AATF: variants seen among roughly 807,000 people sequenced by gnomAD.
AATF encodes apoptosis antagonizing transcription factor, also known as protein AATF.
A neutral mutation model predicts 63.7 loss-of-function variants in AATF; 48 were observed. The ratio of observed to expected loss-of-function variants is 0.75; its 90% CI spans 0.60 to 0.96. The LOEUF (loss-of-function observed/expected upper bound fraction) is 0.96, where lower values mean the gene tolerates loss of function less well. AATF is among the 40% of genes least tolerant of loss of function. The pLI is 0.00. For missense variants in AATF, 639 were observed against 685.7 expected, an observed-to-expected ratio of 0.93 and a Z score of 0.76; for synonymous variants, 258 against 247.7, an observed-to-expected ratio of 1.04 and a Z score of -0.39.
At chr17:36,957,158 A>G (rs2070908322) in intron 4 of AATF, among the ~76,000 whole-genome samples, 1 of 152,238 alleles carries the variant, frequency 6.6e-6, no homozygotes, top group African/African-American at 2.4e-5. Context: ...CTTACAGAGT[A>G]GTTAAAGTCA....
chr17:37,016,840 T>C (rs1481453194), intron 8 of AATF, among the ~76,000 whole-genome samples: 2 of 152,320 alleles, frequency 1.3e-5, no homozygotes, highest in Non-Finnish European at 2.9e-5. Context: ...TTTGTTGTTG[T>C]TGCTTTCTTT....
chr17:36,977,354 A>G (rs1026447748), intron 4 of AATF, among the ~76,000 whole-genome samples: 3 of 152,178 alleles, frequency 2.0e-5, no homozygotes, highest in African/African-American at 7.2e-5. Context: ...TTAATTCTGC[A>G]TGGAATCCCT....
intron 9 of AATF, among the ~76,000 whole-genome samples, chr17:37,020,442 A>C (rs1002960644): frequency 6.6e-6 from 1 of 152,244 alleles, no homozygotes. Flanking sequence ...TAAAACAATT[A>C]AAAACTAGTA....
At chr17:36,962,756 A>G (rs539468564) in intron 4 of AATF, among the ~76,000 whole-genome samples, 3 of 152,278 alleles carry the variant, frequency 2.0e-5, no homozygotes, top group South Asian at 4.1e-4. Context: ...TGTACATATC[A>G]TTGCACAATG....
chr17:37,018,154 T>C (rs1473017438), intron 8 of AATF, among the ~76,000 whole-genome samples: 2 of 152,192 alleles, frequency 1.3e-5, no homozygotes, highest in Non-Finnish European at 2.9e-5. Context: ...TAATTCAGGG[T>C]TTTTCTCCCT....
intron 11 of AATF, among the ~76,000 whole-genome samples, chr17:37,042,660 C>A (rs946201488): frequency 1.3e-5 from 2 of 151,278 alleles, no homozygotes; most frequent in Admixed American, 1.3e-4. Flanking sequence ...TCAAGCAGTC[C>A]TCCCACCTTG....
chr17:36,973,024 C>T (rs528510801), intron 4 of AATF, among the ~76,000 whole-genome samples: 12 of 152,246 alleles, frequency 7.9e-5, no homozygotes, highest in African/African-American at 1.7e-4. Context: ...GGCATGTTCC[C>T]GCAGGATCTG....
At chr17:37,013,169 A>T (rs745330632) in intron 8 of AATF, among the ~76,000 whole-genome samples, 1 of 152,244 alleles carries the variant, frequency 6.6e-6, no homozygotes, top group Non-Finnish European at 1.5e-5. Flanking sequence ...GGGTCTGAAT[A>T]GACATTTCTC....
At chr17:37,048,560 G>A (rs1429112630) in intron 11 of AATF, among the ~76,000 whole-genome samples, 1 of 151,762 alleles carries the variant, frequency 6.6e-6, no homozygotes, top group African/African-American at 2.4e-5. Flanking sequence ...TAGTAGAGAC[G>A]AGGTTTCTCC....
At chr17:37,039,901 T>C (rs1169393427) in intron 11 of AATF, among the ~76,000 whole-genome samples, 2 of 152,220 alleles carry the variant, frequency 1.3e-5, no homozygotes, top group Non-Finnish European at 2.9e-5. Context: ...AAGCACATCT[T>C]CTAGAAAGAG....
chr17:37,030,691 C>A (rs1168610110), intron 10 of AATF, among the ~76,000 whole-genome samples: 3 of 152,016 alleles, frequency 2.0e-5, no homozygotes, highest in Non-Finnish European at 4.4e-5. Flanking sequence ...TGTGTTTCTC[C>A]ATTTAAAGGT....
intron 11 of AATF, among the ~76,000 whole-genome samples, chr17:37,046,534 A>G (rs921057948): frequency 2.6e-5 from 4 of 152,066 alleles, no homozygotes; most frequent in African/African-American, 9.7e-5. Context: ...GGCACTTTGC[A>G]TTTGCTCACT....
intron 8 of AATF, among the ~76,000 whole-genome samples, chr17:36,992,515 C>T (rs1320391304): frequency 6.6e-6 from 1 of 151,754 alleles, no homozygotes; most frequent in Non-Finnish European, 1.5e-5. Context: ...TTGAAGTGTA[C>T]ATTGTTCGAT....
chr17:36,987,150 G>A (rs535989640), intron 5 of AATF, among the ~76,000 whole-genome samples: 1 of 132,032 alleles, frequency 7.6e-6, no homozygotes, highest in South Asian at 2.2e-4. Flanking sequence ...ACCATGCCTG[G>A]CTATTTTTTT....
At chr17:37,008,269 T>A (rs1486092237) in intron 8 of AATF, among the ~76,000 whole-genome samples, 1 of 152,230 alleles carries the variant, frequency 6.6e-6, no homozygotes, top group East Asian at 1.9e-4. Context: ...ATCATCTTTT[T>A]AAGTCCCAAA....
At chr17:36,957,769 T>C (rs977962045) in intron 4 of AATF, among the ~76,000 whole-genome samples, 1 of 152,232 alleles carries the variant, frequency 6.6e-6, no homozygotes, top group African/African-American at 2.4e-5. Context: ...CAGGTTGCGT[T>C]TTCTCAATAT....
At chr17:36,955,202 T>C (rs1398424918) in intron 4 of AATF, among the ~76,000 whole-genome samples, 3 of 152,228 alleles carry the variant, frequency 2.0e-5, no homozygotes, top group African/African-American at 7.2e-5. Flanking sequence ...ATTTGGCATC[T>C]GCCTGTAGGT....
chr17:37,046,649 A>G (rs939084327), intron 11 of AATF, among the ~76,000 whole-genome samples: 6 of 151,906 alleles, frequency 3.9e-5, no homozygotes, highest in African/African-American at 1.2e-4. Context: ...CCAAAACTCT[A>G]TGGGTTGACA....
chr17:36,962,450 T>C (rs60380661), intron 4 of AATF, among the ~76,000 whole-genome samples: 5,737 of 152,242 alleles, frequency 0.038, 365 homozygotes, highest in African/African-American at 0.13. Context: ...GTCACAGACC[T>C]GTGTGAGCTA....
Sources: gnomAD v4.1 joint callset for allele counts (sites outside exome capture counted in the v4.1 genomes callset) on GRCh38, gnomAD v4.1.1 for gene constraint, MANE v1.5 for transcripts, NCBI Gene and HGNC (gene_info 2026-07-23, HGNC 2026-07-21) for gene names.